Variants in DAPK2 observed in about 807,000 individuals in gnomAD.
The protein encoded by DAPK2 is death-associated protein kinase 2.
DAPK2 carries 35 observed loss-of-function variants against 44.1 expected under a neutral mutation model. That is an observed-to-expected ratio of 0.79 (90% CI 0.61 to 1.05). DAPK2 has a LOEUF of 1.05. DAPK2 is among the 50% of genes least tolerant of loss of function. The pLI is 0.00. For synonymous variants in DAPK2, 174 were observed against 182.6 expected, an observed-to-expected ratio of 0.95 and a Z score of 0.38; for missense variants, 453 against 483.2, an observed-to-expected ratio of 0.94 and a Z score of 0.59.
chr15:64,003,022 A>T (rs1555478497), intron 1 of DAPK2, among the ~76,000 whole-genome samples: 2 of 78,286 alleles, frequency 2.6e-5, no homozygotes, highest in Non-Finnish European at 5.1e-5. Flanking sequence ...GTGTCGTGGG[A>T]CCAGAGGTGG....
upstream of DAPK2, chr15:64,040,269 T>C (rs2141211901): frequency 1.2e-6 from 2 of 1,613,160 alleles, no homozygotes; most frequent in Non-Finnish European, 1.7e-6. Flanking sequence ...CATACAATCC[T>C]GAAATGGGAA....
chr15:64,000,107 G>A (rs1356624860), intron 1 of DAPK2, among the ~76,000 whole-genome samples: 1 of 151,852 alleles, frequency 6.6e-6, no homozygotes, highest in Non-Finnish European at 1.5e-5. Context: ...TTAATGTACA[G>A]AATAGATCAA....
chr15:63,959,962 C>T (rs1373462184), intron 3 of DAPK2, among the ~76,000 whole-genome samples: 1 of 152,134 alleles, frequency 6.6e-6, no homozygotes, highest in Non-Finnish European at 1.5e-5. Flanking sequence ...TGGTAGAATT[C>T]GGCTGTGAAT....
In DAPK2 at chr15:63,913,655, C is replaced by T. The variant is rs143462988; in HGVS notation, c.859-1458G>A. 2.8e-3 allele frequency among the ~76,000 whole-genome samples: 433 copies of T among 152,304 alleles called. 6 individuals are homozygous for T. The highest frequency in any genetic ancestry group is 9.9e-3 in the African/African-American group (411 of 41,560). The stretch of plus-strand genomic sequence containing the variant: ...CTCCACGCTTGATTTTTCATCATGG[C>T]ATCAGGGACCGGAAGAAAGCCAGTG... On this transcript the variant is annotated intron_variant, in intron 8 of 10. Coordinates refer to ENST00000261891, the Ensembl canonical transcript of DAPK2.
In DAPK2 at chr15:63,933,028, CT is replaced by C. The variant is rs966665656; in HGVS notation, c.584-2574del. ...ATTATTGAAACGACATTGCTATGAA[CT>C]TTTTTTTTGCATGTGTTTCCTAATG... is the stretch of plus-strand genomic sequence containing the variant. On this transcript the variant is annotated intron_variant, in intron 4 of 10. Transcript: ENST00000261891. Among the ~76,000 whole-genome samples the C allele has an allele frequency of 4.0e-5, 6 of 151,412 alleles. No individual in the cohort carries two copies. The East Asian group carries it at 9.7e-4, about 24-fold the overall frequency.
At chr15:63,935,567 C>T (rs1380970423) in intron 4 of DAPK2, 1 of 152,076 alleles carries the variant, frequency 6.6e-6, no homozygotes, top group East Asian at 1.9e-4. Context: ...ACTGCTTTGT[C>T]TTGGTACCCT....
chr15:63,924,513 AC>A, intron 8 of DAPK2: 1 of 298,716 alleles, frequency 3.3e-6, no homozygotes, highest in Non-Finnish European at 6.2e-6. Context: ...GCAGTGACAT[AC>A]CCTTCAACAA....
At position 63,908,498 on chromosome 15, in the gene DAPK2, C is replaced by T. The variant is rs762986661; in HGVS notation, c.*22G>A. On this transcript the variant is annotated 3_prime_UTR_variant, in exon 11 of 11. Transcript: ENST00000261891. This position sits in a 1 kb window ranked among gnomAD's most constrained non-coding sequence, Gnocchi z 5.7. ...CCCCGCTGGGCCCAGACCTCCCTGGCGGCCACTGCAGGTCAGGCCAGTTAG... is the reference window on the plus strand; with the variant it reads ...CCCCGCTGGGCCCAGACCTCCCTGGTGGCCACTGCAGGTCAGGCCAGTTAG... 7.8e-6 allele frequency: 12 copies of T among 1,532,904 alleles called. No homozygotes were observed. Among genetic ancestry groups the T allele is most frequent in the East Asian group, 2.3e-5 (1 of 42,612 alleles). The allele number at this position is 1,532,904 out of a possible 1,614,324, so 95.0% of individuals were successfully genotyped here. A position where few individuals can be genotyped will look rare whatever the true frequency, so the allele number is the denominator to read the frequency against.
chr15:63,965,557 C>A (rs546190855), intron 3 of DAPK2, among the ~76,000 whole-genome samples: 300 of 152,318 alleles, frequency 2.0e-3, no homozygotes, highest in African/African-American at 6.1e-3. Flanking sequence ...AGCTTCCCCC[C>A]CTTGGGTGGT....
At chr15:64,015,434 G>A (rs937972225) in intron 1 of DAPK2, among the ~76,000 whole-genome samples, 7 of 152,216 alleles carry the variant, frequency 4.6e-5, no homozygotes, top group Non-Finnish European at 1.0e-4. Flanking sequence ...TGTCAGCTCA[G>A]TGCCCAGCCT....
chr15:64,036,835 C>G (rs2080225078), intron 1 of DAPK2, among the ~76,000 whole-genome samples: 1 of 152,050 alleles, frequency 6.6e-6, no homozygotes. Context: ...TCCTGCAGTC[C>G]CATGCCTTCC....
intron 3 of DAPK2, among the ~76,000 whole-genome samples, chr15:63,958,858 A>T (rs2077804788): frequency 6.6e-6 from 1 of 152,180 alleles, no homozygotes; most frequent in African/African-American, 2.4e-5. Context: ...GTTCCATATG[A>T]ACTTTAAAGT....
chr15:63,922,783 C>G (rs1485186136), intron 8 of DAPK2: 1 of 1,534,822 alleles, frequency 6.5e-7, no homozygotes, highest in East Asian at 2.4e-5. Flanking sequence ...ATCTGCTGAG[C>G]AGCTCTGACA....
At chr15:64,024,095 G>T (rs549392016) in intron 1 of DAPK2, among the ~76,000 whole-genome samples, 40 of 152,182 alleles carry the variant, frequency 2.6e-4, no homozygotes, top group Non-Finnish European at 4.9e-4. Context: ...CATGGCAGAG[G>T]TCAGAAGTCA....
At chr15:64,027,108 C>T (rs992383811) in intron 1 of DAPK2, among the ~76,000 whole-genome samples, 8 of 151,726 alleles carry the variant, frequency 5.3e-5, no homozygotes, top group African/African-American at 9.7e-5. Context: ...AGGCCAGGTG[C>T]GGTGTGGCTC....
chr15:63,922,437 C>T (rs972962205), intron 8 of DAPK2: 34 of 1,141,934 alleles, frequency 3.0e-5, no homozygotes, highest in Non-Finnish European at 3.6e-5. Context: ...CAAGCATTTC[C>T]CCAGGGCCAG....
intron 1 of DAPK2, among the ~76,000 whole-genome samples, chr15:64,025,683 T>A (rs1016038849): frequency 2.0e-5 from 3 of 152,322 alleles, no homozygotes; most frequent in Admixed American, 2.0e-4. Flanking sequence ...AAGCAAAATG[T>A]AGGATATTAT....
At chr15:64,017,238 A>C (rs925400557) in intron 1 of DAPK2, among the ~76,000 whole-genome samples, 1 of 152,220 alleles carries the variant, frequency 6.6e-6, no homozygotes, top group East Asian at 1.9e-4. Context: ...TAATGAATAC[A>C]TGATGTTGAG....
chr15:64,029,952 G>A (rs541201278), intron 1 of DAPK2: 1 of 152,626 alleles, frequency 6.6e-6, no homozygotes, highest in South Asian at 2.1e-4. Flanking sequence ...CCCCCCTCAG[G>A]AGGACTGGTG....
Sources: allele counts gnomAD v4.1 joint callset (sites outside exome capture counted in the v4.1 genomes callset), GRCh38; gene constraint gnomAD v4.1.1; non-coding constraint Gnocchi (gnomAD v3.1); transcripts MANE v1.5; gene names NCBI Gene and HGNC (gene_info 2026-07-23, HGNC 2026-07-21).